CACNA1S: variants seen among roughly 807,000 people sequenced by gnomAD.
CACNA1S encodes the protein voltage-dependent L-type calcium channel subunit alpha-1S.
CACNA1S carries 126 observed loss-of-function variants against 207.4 expected under a neutral mutation model. The ratio of observed to expected loss-of-function variants is 0.61; its 90% CI spans 0.53 to 0.70. CACNA1S has a LOEUF of 0.70. CACNA1S is among the 30% of genes least tolerant of loss of function. The pLI is 0.00. For missense variants in CACNA1S, 2,349 were observed against 2,422.8 expected (o/e 0.97, Z 0.64); for synonymous variants, 960 against 932.7 (o/e 1.03, Z -0.53).
rs1351518196 is a variant in CACNA1S at position 201,043,116 on chromosome 1, C to T, written c.5048+165G>A. On this transcript the variant is annotated intron_variant, in intron 40 of 43. Coordinates refer to ENST00000362061, the MANE Select transcript of CACNA1S (RefSeq NM_000069.3). ...CCCTGCTGGCCAAAGAAGCCTCTGC[C>T]ATCGAGGTCGGCCTCTTACATTAAG... 6.2e-6 allele frequency: 5 copies of T among 809,900 alleles called. No individual in the cohort carries two copies. The Admixed American group carries it at 6.2e-5, about 10-fold the overall frequency. 50.2% of individuals were successfully genotyped at this position (809,900 alleles called of 1,614,324 possible).
chr1:201,063,310 T>G (rs907990464), intron 22 of CACNA1S, among the ~76,000 whole-genome samples: 16 of 151,884 alleles, frequency 1.1e-4, no homozygotes, highest in Admixed American at 5.9e-4. Context: ...CTTTTTTTTT[T>G]TTGTTTGCTC....
rs111441308 is a variant in CACNA1S at position 201,077,877 on chromosome 1, A to G, written c.1619+2T>C. ...GGAGTGCCAGCCGACCCCGGCACTC[A>G]CTTGGTGATCTTGAAGATCCTCAGG... is the stretch of plus-strand genomic sequence containing the variant. On this transcript the variant is annotated splice_donor_variant, in intron 11 of 43. Transcript: ENST00000362061. LOFTEE classifies it high-confidence loss of function. The G allele has an allele frequency of 1.2e-6, 2 of 1,612,098 alleles. No individual in the cohort carries two copies. Among genetic ancestry groups the G allele is most frequent in the Non-Finnish European group, 1.7e-6 (2 of 1,178,284 alleles).
In CACNA1S at chr1:201,060,696, C is replaced by A; in HGVS notation, c.3376G>T (p.Ala1126Ser). The change falls in exon 26 of 44, where the codon GCC (alanine) becomes TCC (serine). Residue 1126 changes from alanine to serine, a missense_variant. By Grantham distance (99) the Ala-to-Ser change is moderately conservative. Coordinates refer to ENST00000362061, the MANE Select transcript of CACNA1S (RefSeq NM_000069.3). ...CAGATGGTGTTGAGCATGATGAGGG[C>A]AAACATCAGGTATTCAAAGTAGGAG... The part of the protein sequence containing the change: ...TSSYFEYLMF[A>S]LIMLNTICLG... 3 of 1,614,170 alleles carry A rather than the reference C, an allele frequency of 1.9e-6. No homozygotes were observed. Among genetic ancestry groups the A allele is most frequent in the Non-Finnish European group, 2.5e-6 (3 of 1,180,016 alleles).
chr1:201,107,387 C>T (rs981789600), intron 2 of CACNA1S, among the ~76,000 whole-genome samples: 2 of 152,164 alleles, frequency 1.3e-5, no homozygotes, highest in African/African-American at 2.4e-5. Flanking sequence ...ACCATAATAT[C>T]CCCAAATCTT....
In CACNA1S at chr1:201,066,621, C is replaced by T. The variant is rs1352071672; in HGVS notation, c.2657+266G>A. On this transcript the variant is annotated intron_variant, in intron 20 of 43. Coordinates refer to ENST00000362061, the MANE Select transcript of CACNA1S (RefSeq NM_000069.3). This position sits in a 1 kb window ranked among gnomAD's most constrained non-coding sequence, Gnocchi z 4.3. ...GAGCACCCCAAAGGCAGGGGCTGTGCTCCCCACAGGGTCGGGGAGGGAGGG... is the reference window on the plus strand; with the variant it reads ...GAGCACCCCAAAGGCAGGGGCTGTGTTCCCCACAGGGTCGGGGAGGGAGGG... Among the ~76,000 whole-genome samples, 2 of 152,228 alleles carry T rather than the reference C, an allele frequency of 1.3e-5. No homozygotes were observed. Among genetic ancestry groups the T allele is most frequent in the Admixed American group, 1.3e-4 (2 of 15,290 alleles).
rs966358547 is a variant in CACNA1S at position 201,059,371 on chromosome 1, G to A, written c.3415-72C>T. The A allele has an allele frequency of 2.6e-5, 24 of 911,404 alleles. No individual in the cohort carries two copies. In the African/African-American group the frequency reaches 3.4e-4, roughly 13 times the overall value. 56.5% of individuals were successfully genotyped at this position (911,404 alleles called of 1,614,324 possible). A position where few individuals can be genotyped will look rare whatever the true frequency, so the allele number is the denominator to read the frequency against. On this transcript the variant is annotated intron_variant, in intron 26 of 43. Transcript: ENST00000362061. Reference sequence around the variant, plus strand: ...CCACCCTGTAGATTGCATTCCCAGAGCCCCTGCCTCTTCCTGGGAAGCCCC... The same window carrying A: ...CCACCCTGTAGATTGCATTCCCAGAACCCCTGCCTCTTCCTGGGAAGCCCC...
chr1:201,081,635 A>T (rs752376920), intron 10 of CACNA1S, among the ~76,000 whole-genome samples: 3 of 152,208 alleles, frequency 2.0e-5, no homozygotes, highest in Non-Finnish European at 4.4e-5. Context: ...ATAAGGCCTG[A>T]TATCGTTTGG....
intron 6 of CACNA1S, among the ~76,000 whole-genome samples, chr1:201,088,377 A>T (rs1662107864): frequency 6.6e-6 from 1 of 152,186 alleles, no homozygotes; most frequent in Admixed American, 6.5e-5. Flanking sequence ...GTCTCTCCTC[A>T]CAGGCTTGAT....
intron 14 of CACNA1S, among the ~76,000 whole-genome samples, chr1:201,074,161 G>C (rs530895151): frequency 1.4e-5 from 2 of 141,670 alleles, no homozygotes; most frequent in Non-Finnish European, 3.3e-5. Context: ...GTTCGATGTA[G>C]AACTCCAACC....
At position 201,066,087 on chromosome 1, in the gene CACNA1S, C is replaced by A. The variant is rs1181192980; in HGVS notation, c.2745+142G>T. On this transcript the variant is annotated intron_variant, in intron 21 of 43. Transcript: ENST00000362061. This position sits in a 1 kb window ranked among gnomAD's most constrained non-coding sequence, Gnocchi z 4.3. ...AAAGGCTGGTGGGGAAGCATAGCTA[C>A]CCCAGCCTCATCCTTACCCCTATCT... The A allele has an allele frequency of 7.4e-6, 7 of 948,432 alleles. No individual in the cohort carries two copies. Among genetic ancestry groups the A allele is most frequent in the Non-Finnish European group, 1.2e-5 (7 of 596,724 alleles). 58.8% of individuals were successfully genotyped at this position (948,432 alleles called of 1,614,324 possible).
chr1:201,070,339 G>A lies in CACNA1S; in HGVS notation c.2293C>T (p.Gln765Ter). The A allele has an allele frequency of 6.2e-7, 1 of 1,614,126 alleles. No individual in the cohort carries two copies. The change falls in exon 17 of 44, where the codon CAG becomes TAG. Residue 765 changes from glutamine to a stop codon, truncating the protein, a stop_gained. Transcript: ENST00000362061. LOFTEE classifies it high-confidence loss of function. ...SPRPRPLAEL[Q>*]LKEKAVPIPE... ...ATGGGCACGGCCTTCTCTTTCAGCT[G>A]CAGCTCAGCCAGGGGACGTGGTCGG...
rs1660569165 is a variant in CACNA1S at position 201,049,113 on chromosome 1, C to A, written c.4242-14G>T. Reference sequence around the variant, plus strand: ...TTGATTCTCCCCCTGCGGGAGGACACACAGACTTGTGTACCTGCTACCCTC... The same window carrying A: ...TTGATTCTCCCCCTGCGGGAGGACAAACAGACTTGTGTACCTGCTACCCTC... On this transcript the variant is annotated splice_polypyrimidine_tract_variant and intron_variant, in intron 34 of 43. Coordinates refer to ENST00000362061, the MANE Select transcript of CACNA1S (RefSeq NM_000069.3). The A allele has an allele frequency of 1.9e-6, 3 of 1,586,862 alleles. No homozygotes were observed. Among genetic ancestry groups the A allele is most frequent in the African/African-American group, 2.7e-5 (2 of 74,308 alleles).
chr1:201,069,656 C>A, intron 17 of CACNA1S, 55 bp from the exon 18 acceptor site: 1 of 1,543,990 alleles, frequency 6.5e-7, no homozygotes, highest in African/African-American at 1.4e-5. Context: ...GAGGCTCAGG[C>A]CTCATCAGCC....
In CACNA1S at chr1:201,065,975, G is replaced by C. The variant is rs370226857; in HGVS notation, c.2746-30C>G. 15 of 1,485,776 alleles carry C rather than the reference G, an allele frequency of 1.0e-5. No individual in the cohort carries two copies. In the African/African-American group the frequency reaches 2.1e-4, roughly 21 times the overall value. The allele number at this position is 1,485,776 out of a possible 1,614,324, so 92.0% of individuals were successfully genotyped here. A position where few individuals can be genotyped will look rare whatever the true frequency, so the allele number is the denominator to read the frequency against. Reference sequence around the variant, plus strand: ...GGACAGAGGGGCCAATGGGGACTGGGGGTGCACCCACAGTAACCCTGCTAG... The same window carrying C: ...GGACAGAGGGGCCAATGGGGACTGGCGGTGCACCCACAGTAACCCTGCTAG... On this transcript the variant is annotated intron_variant, in intron 21 of 43. Transcript: ENST00000362061.
chr1:201,084,939 C>A lies in CACNA1S; in HGVS notation c.1232+11G>T. ...GGTTGGGGGTTCCTGGGGCAGTGGG[C>A]AGATACTCACATGAACTGGATGATT... On this transcript the variant is annotated intron_variant, in intron 9 of 43. Transcript: ENST00000362061. 1 of 1,600,134 alleles carries A rather than the reference C, an allele frequency of 6.2e-7. No individual in the cohort carries two copies. Among genetic ancestry groups the A allele is most frequent in the South Asian group, 1.1e-5 (1 of 90,850 alleles).
At chr1:201,073,761 G>T in intron 14 of CACNA1S, 119 bp from the exon 15 acceptor site, 2 of 854,226 alleles carry the variant, frequency 2.3e-6, no homozygotes, top group Non-Finnish European at 4.1e-6. Context: ...TAGGAGGAGT[G>T]GCATCAGCCC....
In CACNA1S at chr1:201,093,769, G is replaced by T. The variant is rs889282561; in HGVS notation, c.398+113C>A. On this transcript the variant is annotated intron_variant, in intron 3 of 43. Coordinates refer to ENST00000362061, the MANE Select transcript of CACNA1S (RefSeq NM_000069.3). Reference sequence around the variant, plus strand: ...CTAACAGAGGCTGCTCCATGCAGTGGTTAGCACAATGCTGGAGTCCCACCC... The same window carrying T: ...CTAACAGAGGCTGCTCCATGCAGTGTTTAGCACAATGCTGGAGTCCCACCC... 6 of 1,332,008 alleles carry T rather than the reference G, an allele frequency of 4.5e-6. No homozygotes were observed. The Admixed American group carries it at 1.0e-4, about 23-fold the overall frequency. 82.5% of individuals were successfully genotyped at this position (1,332,008 alleles called of 1,614,324 possible). A position where few individuals can be genotyped will look rare whatever the true frequency, so the allele number is the denominator to read the frequency against.
At position 201,089,436 on chromosome 1, in the gene CACNA1S, T is replaced by G; in HGVS notation, c.722A>C (p.Glu241Ala). The G allele has an allele frequency of 1.2e-6, 2 of 1,614,062 alleles. No homozygotes were observed. The change falls in exon 6 of 44, where the codon GAG becomes GCG. Residue 241 changes from glutamate to alanine, a missense_variant. Transcript: ENST00000362061. ...GCCCGTCCTGGCGCAGGGCGATGGCTCTTCATTCTCCACCGTGGCCACGAT... is the reference window on the plus strand; with the variant it reads ...GCCCGTCCTGGCGCAGGGCGATGGCGCTTCATTCTCCACCGTGGCCACGAT... ...TDIVATVENE[E>A]PSPCARTGSG...
intron 10 of CACNA1S, 99 bp downstream of exon 10, chr1:201,083,063 T>C: frequency 1.0e-5 from 13 of 1,267,774 alleles, no homozygotes; most frequent in Non-Finnish European, 1.4e-5. Context: ...CAATATCTAA[T>C]TGACCTCTTC....
Sources: allele counts gnomAD v4.1 joint callset (sites outside exome capture counted in the v4.1 genomes callset), GRCh38; gene constraint gnomAD v4.1.1; non-coding constraint Gnocchi (gnomAD v3.1); transcripts MANE v1.5; gene names NCBI Gene and HGNC (gene_info 2026-07-23, HGNC 2026-07-21).